Variants in BRINP3 observed in about 807,000 individuals in gnomAD.
BRINP3 encodes the protein BMP/retinoic acid inducible neural specific 3.
BRINP3 carries 19 observed loss-of-function variants against 71.0 expected under a neutral mutation model. The ratio of observed to expected loss-of-function variants is 0.27; its 90% CI spans 0.19 to 0.39. BRINP3 has a LOEUF of 0.39. Ranked by LOEUF, BRINP3 falls within the 10% of genes least tolerant of loss-of-function variation. The pLI, the probability that BRINP3 is intolerant of heterozygous loss-of-function variation, is 1.00. For synonymous variants in BRINP3, 380 were observed against 337.7 expected, an observed-to-expected ratio of 1.13 and a Z score of -1.37; for missense variants, 959 against 940.8, an observed-to-expected ratio of 1.02 and a Z score of -0.25.
chr1:190,103,038 T>C (rs1275195918), intron 7 of BRINP3, among the ~76,000 whole-genome samples: 1 of 152,076 alleles, frequency 6.6e-6, no homozygotes, highest in African/African-American at 2.4e-5. Flanking sequence ...ATTTAAGATT[T>C]GCTCTTCTCC....
At chr1:190,254,268 A>C (rs1660435252) in intron 4 of BRINP3, among the ~76,000 whole-genome samples, 1 of 147,324 alleles carries the variant, frequency 6.8e-6, no homozygotes, top group African/African-American at 2.5e-5. Flanking sequence ...TTAATTCCAT[A>C]TGAACTTTAA....
At chr1:190,350,114 C>T (rs1486995261) in intron 2 of BRINP3, among the ~76,000 whole-genome samples, 3 of 152,080 alleles carry the variant, frequency 2.0e-5, no homozygotes, top group Non-Finnish European at 2.9e-5. Context: ...AACAAAACCA[C>T]GCCCTTGGTC....
chr1:190,419,516 T>C (rs1673223475), intron 2 of BRINP3, among the ~76,000 whole-genome samples: 1 of 152,006 alleles, frequency 6.6e-6, no homozygotes, highest in Non-Finnish European at 1.5e-5. Flanking sequence ...TTGTATATTG[T>C]ATAATGAATA....
chr1:190,348,146 T>C (rs1178441007), intron 2 of BRINP3, among the ~76,000 whole-genome samples: 1 of 152,118 alleles, frequency 6.6e-6, no homozygotes, highest in African/African-American at 2.4e-5. Context: ...AAAACAGAAG[T>C]AGCTGTTCAG....
At chr1:190,113,693 A>C (rs901487540) in intron 7 of BRINP3, among the ~76,000 whole-genome samples, 1 of 152,204 alleles carries the variant, frequency 6.6e-6, no homozygotes, top group Non-Finnish European at 1.5e-5. Flanking sequence ...CAAATTACTC[A>C]AGTCCTCCGT....
At chr1:190,424,466 C>A (rs1212315524) in intron 2 of BRINP3, among the ~76,000 whole-genome samples, 2 of 151,512 alleles carry the variant, frequency 1.3e-5, no homozygotes, top group Admixed American at 1.3e-4. Context: ...GGAGAACGAA[C>A]ATTGTTAGTA....
At chr1:190,358,261 T>C (rs1048330546) in intron 2 of BRINP3, among the ~76,000 whole-genome samples, 2 of 152,122 alleles carry the variant, frequency 1.3e-5, no homozygotes, top group African/African-American at 2.4e-5. Context: ...AATCTACTCA[T>C]CTGACAAAGG....
chr1:190,311,845 A>C (rs867457752), intron 2 of BRINP3, among the ~76,000 whole-genome samples: 57 of 150,710 alleles, frequency 3.8e-4, no homozygotes, highest in African/African-American at 1.4e-3. Context: ...GCACAGATGA[A>C]AAAGAGTTTA....
At chr1:190,132,913 A>T (rs919967348) in intron 7 of BRINP3, among the ~76,000 whole-genome samples, 2 of 152,054 alleles carry the variant, frequency 1.3e-5, no homozygotes, top group Non-Finnish European at 2.9e-5. Context: ...TCATAAGGAC[A>T]CTCAAAAAGC....
intron 6 of BRINP3, among the ~76,000 whole-genome samples, chr1:190,195,101 A>T (rs1458517037): frequency 6.6e-6 from 1 of 152,088 alleles, no homozygotes; most frequent in Non-Finnish European, 1.5e-5. Context: ...TATCGAATGC[A>T]TCACATAAGA....
chr1:190,342,264 C>T (rs546122003), intron 2 of BRINP3, among the ~76,000 whole-genome samples: 1 of 150,628 alleles, frequency 6.6e-6, no homozygotes, highest in Admixed American at 6.7e-5. Context: ...ACCTTAATTC[C>T]ATCTCCAAGT....
chr1:190,231,950 A>G (rs963818375), intron 5 of BRINP3, among the ~76,000 whole-genome samples: 1 of 151,924 alleles, frequency 6.6e-6, no homozygotes, highest in Admixed American at 6.6e-5. Context: ...TTTTCTAATG[A>G]AAGAGGAGAG....
At chr1:190,222,300 T>C (rs1656959265) in intron 6 of BRINP3, among the ~76,000 whole-genome samples, 1 of 150,640 alleles carries the variant, frequency 6.6e-6, no homozygotes, top group South Asian at 2.1e-4. Context: ...AAATAAAACA[T>C]CCTACTGGAC....
chr1:190,201,114 C>T (rs1654965639), intron 6 of BRINP3, among the ~76,000 whole-genome samples: 1 of 152,016 alleles, frequency 6.6e-6, no homozygotes, highest in African/African-American at 2.4e-5. Context: ...TTGGAACTTC[C>T]TAGAAACTTG....
intron 2 of BRINP3, among the ~76,000 whole-genome samples, chr1:190,446,873 A>G (rs906570889): frequency 6.6e-6 from 1 of 152,076 alleles, no homozygotes; most frequent in African/African-American, 2.4e-5. Flanking sequence ...TAAATCCAGC[A>G]TATCCAAATG....
chr1:190,405,100 C>T (rs189795667), intron 2 of BRINP3, among the ~76,000 whole-genome samples: 1 of 152,160 alleles, frequency 6.6e-6, no homozygotes, highest in African/African-American at 2.4e-5. Context: ...TTTTCTGAAT[C>T]TTAGGATTAA....
chr1:190,452,042 T>C (rs10920721), intron 2 of BRINP3, among the ~76,000 whole-genome samples: 1,621 of 152,348 alleles, frequency 0.011, 35 homozygotes, highest in African/African-American at 0.037. Flanking sequence ...CTGATCACTT[T>C]AGGAAATTAC....
chr1:190,327,068 C>T (rs982858940), intron 2 of BRINP3, among the ~76,000 whole-genome samples: 54 of 150,106 alleles, frequency 3.6e-4, no homozygotes, highest in African/African-American at 1.3e-3. Flanking sequence ...GTAATCTCAG[C>T]GCTTTGGGAG....
chr1:190,438,266 ATAAT>A (rs904880875), intron 2 of BRINP3, among the ~76,000 whole-genome samples: 2 of 151,524 alleles, frequency 1.3e-5, no homozygotes, highest in Admixed American at 1.3e-4. Flanking sequence ...AAATATTTCT[ATAAT>A]TAAAAACTAT....
Sources: allele counts gnomAD v4.1 joint callset (sites outside exome capture counted in the v4.1 genomes callset), GRCh38; gene constraint gnomAD v4.1.1; transcripts MANE v1.5; gene names NCBI Gene and HGNC (gene_info 2026-07-23, HGNC 2026-07-21).